DAPK1: variants seen among roughly 807,000 people sequenced by gnomAD.
DAPK1 encodes the protein death associated protein kinase 1, also known as death-associated protein kinase 1.
Under a neutral mutation model 144.9 loss-of-function variants are expected in DAPK1, and 56 were observed. That is an observed-to-expected ratio of 0.39 (90% CI 0.31 to 0.48). DAPK1 has a LOEUF of 0.48. Among genes scored for constraint, DAPK1 ranks in the 20% least tolerant of loss-of-function variants. The probability of loss-of-function intolerance (pLI) is 0.95; values close to 1 mark genes in which losing one functional copy is unlikely to be tolerated. For synonymous variants in DAPK1, 690 were observed against 749.0 expected (o/e 0.92, Z 1.29); for missense variants, 1,454 against 1,875.4 (o/e 0.78, Z 4.15).
At chr9:87,609,470 C>G (rs1294078051) in intron 3 of DAPK1, among the ~76,000 whole-genome samples, 1 of 152,072 alleles carries the variant, frequency 6.6e-6, no homozygotes, top group Middle Eastern at 3.2e-3. Flanking sequence ...TTTACGTTAC[C>G]TTGAAGAGGT....
In DAPK1 at chr9:87,706,482, C is replaced by A; in HGVS notation, c.3411C>A (p.Leu1137=). The A allele has an allele frequency of 1.2e-6, 2 of 1,613,674 alleles. No individual in the cohort carries two copies. Among genetic ancestry groups the A allele is most frequent in the Non-Finnish European group, 1.7e-6 (2 of 1,179,710 alleles). The change falls in exon 26 of 26, where the codon CTC becomes CTA. Residue 1137 remains leucine, a synonymous_variant. Coordinates refer to ENST00000408954, the MANE Select transcript of DAPK1 (RefSeq NM_004938.4). This position sits in a 1 kb window ranked among gnomAD's most constrained non-coding sequence, Gnocchi z 9.0. ...GGVRIVPVEH[L]TPFPCGIFHK... is the part of the protein sequence containing the mutation. Reference sequence around the variant, plus strand: ...TGCGCATCGTGCCCGTGGAACACCTCACCCCCTTCCCATGTGGCATCTTTC... The same window carrying A: ...TGCGCATCGTGCCCGTGGAACACCTAACCCCCTTCCCATGTGGCATCTTTC...
At chr9:87,693,045 C>T (rs184955208) in intron 21 of DAPK1, among the ~76,000 whole-genome samples, 163 of 126,012 alleles carry the variant, frequency 1.3e-3, no homozygotes, top group Non-Finnish European at 2.1e-3. Context: ...CTATAATGTG[C>T]CATGGAGAGG....
At chr9:87,702,063 G>T (rs1397032211) in intron 24 of DAPK1, among the ~76,000 whole-genome samples, 1 of 152,104 alleles carries the variant, frequency 6.6e-6, no homozygotes, top group African/African-American at 2.4e-5. Flanking sequence ...TTTGAGCTGG[G>T]CTCTGGCATG....
chr9:87,587,668 A>T (rs963788777), intron 2 of DAPK1, among the ~76,000 whole-genome samples: 2 of 152,324 alleles, frequency 1.3e-5, no homozygotes, highest in Admixed American at 1.3e-4. Context: ...CACCATCAAT[A>T]CTTCAGTATT....
At chr9:87,705,110 A>G (rs145236403) in intron 25 of DAPK1, among the ~76,000 whole-genome samples, 391 of 152,222 alleles carry the variant, frequency 2.6e-3, no homozygotes, top group African/African-American at 9.0e-3. Flanking sequence ...AAACATTCAC[A>G]TAATGGTATA....
At chr9:87,524,945 C>G (rs570037508) in intron 2 of DAPK1, among the ~76,000 whole-genome samples, 63 of 152,314 alleles carry the variant, frequency 4.1e-4, no homozygotes, top group African/African-American at 1.5e-3. Flanking sequence ...GCATTGTTTA[C>G]TGCTCGGGTG....
chr9:87,662,574 T>TTTGTTTG lies in DAPK1; in HGVS notation c.1923+4449_1923+4450insGTTTGTT, dbSNP rs1564056435. ...ATATATTCCTAGTTTTTTTTTTTTT[T>TTTGTTTG]TTTTTTTTTTTGGTAGCTATTGTAA... On this transcript the variant is annotated intron_variant, in intron 18 of 25. Coordinates refer to ENST00000408954, the MANE Select transcript of DAPK1 (RefSeq NM_004938.4). Among the ~76,000 whole-genome samples the TTTGTTTG allele has an allele frequency of 1.3e-3, 176 of 131,518 alleles. 2 individuals are homozygous for TTTGTTTG. The highest frequency in any genetic ancestry group is 4.8e-3 in the African/African-American group (171 of 35,878). 86.3% of individuals were successfully genotyped at this position (131,518 alleles called of 152,430 possible). A position where few individuals can be genotyped will look rare whatever the true frequency, so the allele number is the denominator to read the frequency against.
Position 87,707,451 on chromosome 9 carries a change from G to C in DAPK1, c.*87G>C. Reference sequence around the variant, plus strand: ...CATCCTTCCCTTTGGAGATGCTGAGGGTGTTTCTTCCTGCACCCACAGCCA... The same window carrying C: ...CATCCTTCCCTTTGGAGATGCTGAGCGTGTTTCTTCCTGCACCCACAGCCA... On this transcript the variant is annotated 3_prime_UTR_variant, in exon 26 of 26. Coordinates refer to ENST00000408954, the MANE Select transcript of DAPK1 (RefSeq NM_004938.4). This position sits in a 1 kb window ranked among gnomAD's most constrained non-coding sequence, Gnocchi z 4.0. 2.1e-6 allele frequency: 2 copies of C among 942,634 alleles called. No homozygotes were observed. The highest frequency in any genetic ancestry group is 3.2e-6 in the Non-Finnish European group (2 of 630,352). The allele number at this position is 942,634 out of a possible 1,614,324, so 58.4% of individuals were successfully genotyped here.
rs765948944 is a variant in DAPK1 at position 87,648,766 on chromosome 9, C to A, written c.1330-15C>A. On this transcript the variant is annotated splice_polypyrimidine_tract_variant and intron_variant, in intron 14 of 25. Coordinates refer to ENST00000408954, the MANE Select transcript of DAPK1 (RefSeq NM_004938.4). ...CAGATGTGGCTCTGAATCACCGGCT[C>A]CTTTTCTTCTGCAGTCTGGAGAGAT... 3 of 1,610,810 alleles carry A rather than the reference C, an allele frequency of 1.9e-6. No individual in the cohort carries two copies. The South Asian group carries it at 3.3e-5, about 18-fold the overall frequency.
intron 2 of DAPK1, among the ~76,000 whole-genome samples, chr9:87,544,976 G>A (rs1826187097): frequency 6.6e-6 from 1 of 152,100 alleles, no homozygotes; most frequent in Admixed American, 6.6e-5. Context: ...GGCCACTCTG[G>A]ACCTGAGGAC....
rs535296451 is a variant in DAPK1 at position 87,664,747 on chromosome 9, G to A, written c.1924-3850G>A. Among the ~76,000 whole-genome samples the A allele has an allele frequency of 9.2e-5, 14 of 152,326 alleles. No individual in the cohort carries two copies. In the South Asian group the frequency reaches 1.9e-3, roughly 20 times the overall value. On this transcript the variant is annotated intron_variant, in intron 18 of 25. Transcript: ENST00000408954. ...TCCCCACGCAGCCGCCTGGTCAGAC[G>A]TAAGTGAGATCTCATCCTCCTTGCT... is the stretch of plus-strand genomic sequence containing the variant.
intron 2 of DAPK1, among the ~76,000 whole-genome samples, chr9:87,596,315 G>C (rs1466539743): frequency 2.0e-5 from 3 of 152,206 alleles, no homozygotes; most frequent in African/African-American, 7.2e-5. Context: ...TTAGGTAGCT[G>C]CATTTACTGG....
chr9:87,676,037 A>G (rs913360047), intron 19 of DAPK1, among the ~76,000 whole-genome samples: 1 of 151,922 alleles, frequency 6.6e-6, no homozygotes, highest in African/African-American at 2.4e-5. Flanking sequence ...TCTCCTGAGT[A>G]CCCTCCAGCC....
chr9:87,653,286 T>C (rs1018247237), intron 17 of DAPK1, among the ~76,000 whole-genome samples: 15 of 152,362 alleles, frequency 9.8e-5, no homozygotes, highest in Non-Finnish European at 1.9e-4. Context: ...TTCTGTGTGC[T>C]CCCACCTGAT....
chr9:87,586,767 C>T (rs537274172), intron 2 of DAPK1, among the ~76,000 whole-genome samples: 1 of 152,286 alleles, frequency 6.6e-6, no homozygotes, highest in South Asian at 2.1e-4. Context: ...CTGTGACAGC[C>T]AGCATTTGGA....
At chr9:87,582,637 CT>C (rs1827792439) in intron 2 of DAPK1, among the ~76,000 whole-genome samples, 1 of 151,186 alleles carries the variant, frequency 6.6e-6, no homozygotes, top group Non-Finnish European at 1.5e-5. Context: ...TCACTGCAAC[CT>C]CCGCCTCCCA....
chr9:87,581,148 C>T (rs1827741779), intron 2 of DAPK1, among the ~76,000 whole-genome samples: 1 of 152,206 alleles, frequency 6.6e-6, no homozygotes, highest in African/African-American at 2.4e-5. Flanking sequence ...CTTTCCCTAG[C>T]TGTTCAGACT....
At chr9:87,669,235 A>G (rs1052480226) in intron 19 of DAPK1, among the ~76,000 whole-genome samples, 3 of 152,150 alleles carry the variant, frequency 2.0e-5, no homozygotes, top group Admixed American at 1.3e-4. Flanking sequence ...GGAAACACAG[A>G]TAACCCACGA....
At chr9:87,639,846 C>T in intron 7 of DAPK1, 31 bp downstream of exon 7, 1 of 1,609,426 alleles carries the variant, frequency 6.2e-7, no homozygotes, top group South Asian at 1.1e-5. Flanking sequence ...CTCATACTCT[C>T]TTCTCTTCTA....
Sources: allele counts gnomAD v4.1 joint callset (sites outside exome capture counted in the v4.1 genomes callset), GRCh38; gene constraint gnomAD v4.1.1; non-coding constraint Gnocchi (gnomAD v3.1); transcripts MANE v1.5; gene names NCBI Gene and HGNC (gene_info 2026-07-23, HGNC 2026-07-21).